The following DRC11 variants were observed in gnomAD, a reference collection of about 807,000 sequenced individuals.
DRC11 encodes IQ and AAA domain-containing protein 1.
chr2:236,307,273 C>T, the DRC11 span, among the ~76,000 whole-genome samples: 1 of 152,160 alleles, frequency 6.6e-6, no homozygotes, highest in African/African-American at 2.4e-5. The surrounding 1 kb of genome is among the most constrained non-coding windows in gnomAD (Gnocchi z 7.0). Flanking sequence ...ACAGAGCGCA[C>T]ATCTCAAGCA....
the DRC11 span, among the ~76,000 whole-genome samples, chr2:236,416,732 TATA>T: frequency 8.8e-5 from 4 of 45,260 alleles, no homozygotes; most frequent in Non-Finnish European, 1.4e-4. Flanking sequence ...TATATATATA[TATA>T]TATATATATA....
At chr2:236,474,213 CA>C in the DRC11 span, among the ~76,000 whole-genome samples, 296 of 149,782 alleles carry the variant, frequency 2.0e-3, no homozygotes, top group African/African-American at 6.1e-3. Flanking sequence ...AAGACACACT[CA>C]AAAAAAAAGC....
At chr2:236,356,224 A>G in the DRC11 span, among the ~76,000 whole-genome samples, 245 of 152,234 alleles carry the variant, frequency 1.6e-3, no homozygotes, top group African/African-American at 4.7e-3. Flanking sequence ...GGCCGCTGAA[A>G]CATTCTCTGC....
At chr2:236,470,477 G>A in the DRC11 span, among the ~76,000 whole-genome samples, 1 of 152,092 alleles carries the variant, frequency 6.6e-6, no homozygotes, top group African/African-American at 2.4e-5. This position sits in a 1 kb window ranked among gnomAD's most constrained non-coding sequence, Gnocchi z 5.1. Context: ...GCGCGTGTTC[G>A]GTCAGATCAT....
At chr2:236,324,722 G>T in the DRC11 span, 1 of 1,602,514 alleles carries the variant, frequency 6.2e-7, no homozygotes, top group Non-Finnish European at 8.5e-7. This position sits in a 1 kb window ranked among gnomAD's most constrained non-coding sequence, Gnocchi z 5.7. Flanking sequence ...TGCCTTTTCT[G>T]TGCTGCCTCC....
the DRC11 span, chr2:236,338,108 T>G: frequency 1.6e-6 from 2 of 1,231,762 alleles, no homozygotes; most frequent in Non-Finnish European, 2.2e-6. Flanking sequence ...TCAACTCATC[T>G]GGCGCCCACC....
the DRC11 span, chr2:236,380,539 G>A: frequency 1.6e-5 from 24 of 1,519,186 alleles, no homozygotes; most frequent in African/African-American, 4.1e-5. The surrounding 1 kb of genome is among the most constrained non-coding windows in gnomAD (Gnocchi z 4.9). Context: ...CTGCTCACGC[G>A]CATCACAACA....
At chr2:236,323,799 T>C in the DRC11 span, among the ~76,000 whole-genome samples, 1 of 152,254 alleles carries the variant, frequency 6.6e-6, no homozygotes, top group Non-Finnish European at 1.5e-5. The surrounding 1 kb of genome is among the most constrained non-coding windows in gnomAD (Gnocchi z 6.4). Flanking sequence ...AATTTAGAAG[T>C]GGGTTACTTG....
the DRC11 span, chr2:236,364,091 G>T: frequency 1.2e-6 from 1 of 861,400 alleles, no homozygotes. Flanking sequence ...TTCTGCAACA[G>T]TGATAAAGGC....
the DRC11 span, among the ~76,000 whole-genome samples, chr2:236,426,752 C>A: frequency 6.6e-6 from 1 of 152,120 alleles, no homozygotes; most frequent in Admixed American, 6.6e-5. The surrounding 1 kb of genome is among the most constrained non-coding windows in gnomAD (Gnocchi z 4.1). Context: ...AATTTCACTT[C>A]TTCCCTTCCT....
the DRC11 span, chr2:236,441,237 T>C: frequency 3.6e-5 from 27 of 741,076 alleles, no homozygotes; most frequent in African/African-American, 7.0e-5. Context: ...GGGTGGAGGG[T>C]TCCCTGTAGA....
At chr2:236,340,611 A>G in the DRC11 span, among the ~76,000 whole-genome samples, 1 of 152,112 alleles carries the variant, frequency 6.6e-6, no homozygotes, top group African/African-American at 2.4e-5. Flanking sequence ...GACTGATCTG[A>G]CAGTCCTGGT....
chr2:236,344,491 A>G, the DRC11 span: 31 of 1,070,616 alleles, frequency 2.9e-5, no homozygotes, highest in Non-Finnish European at 4.1e-5. Context: ...AAGTAGAGGT[A>G]GGCCTTGGTA....
the DRC11 span, among the ~76,000 whole-genome samples, chr2:236,471,261 C>G: frequency 4.6e-5 from 7 of 151,864 alleles, no homozygotes; most frequent in Non-Finnish European, 2.9e-5. The surrounding 1 kb of genome is among the most constrained non-coding windows in gnomAD (Gnocchi z 4.6). Flanking sequence ...TTTGCTGTCT[C>G]TCTCTGCTGA....
At chr2:236,456,521 C>G in the DRC11 span, among the ~76,000 whole-genome samples, 5 of 152,272 alleles carry the variant, frequency 3.3e-5, no homozygotes, top group South Asian at 1.0e-3. This position sits in a 1 kb window ranked among gnomAD's most constrained non-coding sequence, Gnocchi z 5.4. Context: ...CTGAGGACCC[C>G]GATAACCTCA....
chr2:236,488,095 TC>T, the DRC11 span: 2 of 1,610,250 alleles, frequency 1.2e-6, no homozygotes, highest in Non-Finnish European at 1.7e-6. Context: ...TAGATTTGCT[TC>T]ATGAATAAAG....
chr2:236,488,323 C>T, the DRC11 span: 170 of 546,268 alleles, frequency 3.1e-4, 1 homozygote, highest in African/African-American at 2.3e-3. Flanking sequence ...GTGTGAGAAC[C>T]GCTGAACACT....
At chr2:236,386,122 T>C in the DRC11 span, among the ~76,000 whole-genome samples, 3 of 150,216 alleles carry the variant, frequency 2.0e-5, no homozygotes, top group Admixed American at 2.0e-4. Flanking sequence ...TCTAAAATTC[T>C]CTTTTTTTGT....
chr2:236,368,355 C>T, the DRC11 span: 4 of 1,091,584 alleles, frequency 3.7e-6, no homozygotes, highest in African/African-American at 3.1e-5. Context: ...CTGGTCTGAG[C>T]TGCATAATTT....
Sources: allele counts gnomAD v4.1 joint callset (sites outside exome capture counted in the v4.1 genomes callset), GRCh38; gene constraint gnomAD v4.1.1; non-coding constraint Gnocchi (gnomAD v3.1); transcripts MANE v1.5; gene names NCBI Gene and HGNC (gene_info 2026-07-23, HGNC 2026-07-21).